Variants in CSRNP3 observed in about 807,000 individuals in gnomAD.
The protein encoded by CSRNP3 is cysteine and serine rich nuclear protein 3.
A neutral mutation model predicts 48.0 loss-of-function variants in CSRNP3; 12 were observed. That is an observed-to-expected ratio of 0.25 (90% CI 0.16 to 0.41). CSRNP3 has a LOEUF of 0.41. Among genes scored for constraint, CSRNP3 ranks in the 10% least tolerant of loss-of-function variants. The pLI, the probability that CSRNP3 is intolerant of heterozygous loss-of-function variation, is 1.00. For missense variants in CSRNP3, 580 were observed against 724.4 expected (o/e 0.80, Z 2.29); for synonymous variants, 263 against 269.7 (o/e 0.98, Z 0.24).
chr2:165,593,567 G>A (rs1364517994), intron 3 of CSRNP3, among the ~76,000 whole-genome samples: 4 of 152,114 alleles, frequency 2.6e-5, no homozygotes, highest in Admixed American at 6.6e-5. Context: ...GGCCCAGCTC[G>A]GGGAATCTGA....
At position 165,609,649 on chromosome 2, in the gene CSRNP3, A is replaced by G. The variant is rs190962647; in HGVS notation, c.148+14436A>G. 9.1e-4 allele frequency among the ~76,000 whole-genome samples: 138 copies of G among 152,258 alleles called. 1 individual carries two copies. Among genetic ancestry groups the G allele is most frequent in the South Asian group, 3.3e-3 (16 of 4,818 alleles). On this transcript the variant is annotated intron_variant, in intron 4 of 6. Coordinates refer to ENST00000651982, the MANE Select transcript of CSRNP3 (RefSeq NM_001172173.2). ...ACTAAGCACCCAGAAAATGTTAACTATGATGACAATTATGATGATGATGAT... is the reference window on the plus strand; with the variant it reads ...ACTAAGCACCCAGAAAATGTTAACTGTGATGACAATTATGATGATGATGAT...
intron 4 of CSRNP3, among the ~76,000 whole-genome samples, chr2:165,654,333 G>A (rs7608292): frequency 0.036 from 5,464 of 152,270 alleles, 279 homozygotes; most frequent in African/African-American, 0.11. Flanking sequence ...GAACTTTTAA[G>A]TCAAAATTGA....
intron 3 of CSRNP3, among the ~76,000 whole-genome samples, chr2:165,534,949 A>T (rs917232802): frequency 3.3e-5 from 5 of 151,798 alleles, no homozygotes; most frequent in African/African-American, 1.2e-4. Flanking sequence ...TAAAAAGTGT[A>T]AATGCAGATG....
rs1684179107 is a variant in CSRNP3 at position 165,489,908 on chromosome 2, C to G, written c.-282-4851C>G. On this transcript the variant is annotated intron_variant, in intron 1 of 6. Transcript: ENST00000651982. ...GGCACAAGACAGGGATGCCCTCTCT[C>G]ACCGCTCCTATTCAACATAGTGTTG... Among the ~76,000 whole-genome samples the G allele has an allele frequency of 2.0e-5, 3 of 148,598 alleles. No individual in the cohort carries two copies. The East Asian group carries it at 6.0e-4, about 30-fold the overall frequency.
At chr2:165,471,697 G>A (rs1379280260) in intron 1 of CSRNP3, among the ~76,000 whole-genome samples, 1 of 151,884 alleles carries the variant, frequency 6.6e-6, no homozygotes, top group Admixed American at 6.6e-5. Flanking sequence ...CACATATTTT[G>A]GATGAAAAGT....
intron 1 of CSRNP3, among the ~76,000 whole-genome samples, chr2:165,486,218 A>G (rs6722128): frequency 0.23 from 35,354 of 152,080 alleles, 4,324 homozygotes; most frequent in East Asian, 0.34. Flanking sequence ...CTCCCACCCG[A>G]TTATTGCGCT....
At chr2:165,600,630 C>T (rs2105300917) in intron 4 of CSRNP3, among the ~76,000 whole-genome samples, 2 of 152,306 alleles carry the variant, frequency 1.3e-5, no homozygotes, top group South Asian at 4.1e-4. Context: ...GCCATTCTAA[C>T]TGGTGTGAGA....
At chr2:165,545,297 G>C (rs1685010228) in intron 3 of CSRNP3, among the ~76,000 whole-genome samples, 1 of 152,116 alleles carries the variant, frequency 6.6e-6, no homozygotes, top group African/African-American at 2.4e-5. Flanking sequence ...GTCACTACAG[G>C]AGACATGGTG....
intron 3 of CSRNP3, among the ~76,000 whole-genome samples, chr2:165,550,490 A>G (rs1320040702): frequency 6.6e-6 from 1 of 152,196 alleles, no homozygotes; most frequent in Non-Finnish European, 1.5e-5. Context: ...TCTTCCTGGG[A>G]CAAATAAATT....
intron 4 of CSRNP3, among the ~76,000 whole-genome samples, chr2:165,652,951 A>T (rs1439741963): frequency 6.6e-6 from 1 of 152,190 alleles, no homozygotes; most frequent in African/African-American, 2.4e-5. Context: ...CTCTGTAGAG[A>T]CACAAAGTAG....
In CSRNP3 at chr2:165,585,212, G is replaced by T. The variant is rs941024218; in HGVS notation, c.-23-9831G>T. The stretch of plus-strand genomic sequence containing the variant: ...TTATAAAAGTATCATAGCATAATGT[G>T]TTTTTTTTTTTTTTTAACTGAGTTC... On this transcript the variant is annotated intron_variant, in intron 3 of 6. Coordinates refer to ENST00000651982, the MANE Select transcript of CSRNP3 (RefSeq NM_001172173.2). Among the ~76,000 whole-genome samples, 486 of 143,206 alleles carry T rather than the reference G, an allele frequency of 3.4e-3. 6 individuals carry two copies. Among genetic ancestry groups the T allele is most frequent in the Admixed American group, 8.2e-3 (119 of 14,514 alleles). The allele number at this position is 143,206 out of a possible 152,430, so 93.9% of individuals were successfully genotyped here. A position where few individuals can be genotyped will look rare whatever the true frequency, so the allele number is the denominator to read the frequency against.
intron 4 of CSRNP3, among the ~76,000 whole-genome samples, chr2:165,614,830 G>C (rs556948678): frequency 6.6e-6 from 1 of 152,124 alleles, no homozygotes; most frequent in African/African-American, 2.4e-5. Flanking sequence ...AAATGGTTAG[G>C]AGCATGTTAT....
intron 1 of CSRNP3, among the ~76,000 whole-genome samples, chr2:165,487,529 T>C (rs1463427876): frequency 6.8e-6 from 1 of 147,804 alleles, no homozygotes; most frequent in African/African-American, 2.6e-5. Flanking sequence ...GAAAAAATGT[T>C]AAGGGCAGCC....
At chr2:165,536,953 G>A (rs909211095) in intron 3 of CSRNP3, among the ~76,000 whole-genome samples, 5 of 151,784 alleles carry the variant, frequency 3.3e-5, no homozygotes, top group Admixed American at 6.6e-5. Flanking sequence ...CATTGCTTCC[G>A]TATGTATCCT....
chr2:165,575,944 C>T (rs1685443212), intron 3 of CSRNP3, among the ~76,000 whole-genome samples: 1 of 151,778 alleles, frequency 6.6e-6, no homozygotes, highest in Non-Finnish European at 1.5e-5. Flanking sequence ...TCAATAATGA[C>T]TTTAGGTAAA....
At chr2:165,497,270 C>CCTGTAGTG (rs1684297005) in intron 2 of CSRNP3, among the ~76,000 whole-genome samples, 1 of 151,896 alleles carries the variant, frequency 6.6e-6, no homozygotes, top group Admixed American at 6.6e-5. Flanking sequence ...TTTTTTCCCC[C>CCTGTAGTG]CTGTAGTGCT....
intron 2 of CSRNP3, among the ~76,000 whole-genome samples, chr2:165,510,618 G>A (rs1684488856): frequency 6.6e-6 from 1 of 152,072 alleles, no homozygotes; most frequent in African/African-American, 2.4e-5. Flanking sequence ...TTTTAATTGA[G>A]CACTTTAGTA....
Position 165,686,901 on chromosome 2 carries a change from AG to A in CSRNP3, c.*7149del, listed in dbSNP as rs769425438. ...TATATTCTTCAAATTTATGGTCCTG[AG>A]ACTAGGAGGGATCTCCAGAGGTCAT... On this transcript the variant is annotated 3_prime_UTR_variant, in exon 7 of 7. Transcript: ENST00000651982. The A allele has an allele frequency of 3.3e-5, 5 of 152,082 alleles. No homozygotes were observed. Among genetic ancestry groups the A allele is most frequent in the Non-Finnish European group, 7.4e-5 (5 of 67,982 alleles). The allele number at this position is 152,082 out of a possible 1,614,324, so 9.4% of individuals were successfully genotyped here. A position where few individuals can be genotyped will look rare whatever the true frequency, so the allele number is the denominator to read the frequency against.
At chr2:165,656,166 C>T (rs962964920) in intron 4 of CSRNP3, among the ~76,000 whole-genome samples, 3 of 152,206 alleles carry the variant, frequency 2.0e-5, no homozygotes, top group African/African-American at 7.2e-5. Flanking sequence ...GAATTAGGAG[C>T]TTTTAGGTTT....
Sources: allele counts gnomAD v4.1 joint callset (sites outside exome capture counted in the v4.1 genomes callset), GRCh38; gene constraint gnomAD v4.1.1; transcripts MANE v1.5; gene names NCBI Gene and HGNC (gene_info 2026-07-23, HGNC 2026-07-21).